FRMD4A: variants seen among roughly 807,000 people sequenced by gnomAD.
FRMD4A encodes the protein FERM domain containing 4A.
A neutral mutation model predicts 129.1 loss-of-function variants in FRMD4A; 29 were observed. That is an observed-to-expected ratio of 0.22 (90% CI 0.17 to 0.31). The LOEUF (loss-of-function observed/expected upper bound fraction) is 0.31, where lower values mean the gene tolerates loss of function less well. Among genes scored for constraint, FRMD4A ranks in the 10% least tolerant of loss-of-function variants. The pLI is 1.00. For synonymous variants in FRMD4A, 634 were observed against 571.6 expected, an observed-to-expected ratio of 1.11 and a Z score of -1.56; for missense variants, 1,272 against 1,375.8, an observed-to-expected ratio of 0.92 and a Z score of 1.19.
At position 14,327,388 on chromosome 10, in the gene FRMD4A, A is replaced by C. The variant is rs1275374557; in HGVS notation, c.45+2670T>G. 2.0e-5 allele frequency among the ~76,000 whole-genome samples: 3 copies of C among 152,374 alleles called. No individual in the cohort carries two copies. The East Asian group carries it at 5.8e-4, about 29-fold the overall frequency. ...CTCGAATTGGCTATCCTGGAACTTCATCTGTACACTGTTTCTTAGAGATCT... is the reference window on the plus strand; with the variant it reads ...CTCGAATTGGCTATCCTGGAACTTCCTCTGTACACTGTTTCTTAGAGATCT... On this transcript the variant is annotated intron_variant, in intron 2 of 24. Coordinates refer to ENST00000357447, the MANE Select transcript of FRMD4A (RefSeq NM_018027.5).
chr10:13,706,132 G>T (rs1458853290), intron 13 of FRMD4A, among the ~76,000 whole-genome samples: 2 of 152,182 alleles, frequency 1.3e-5, no homozygotes, highest in Non-Finnish European at 2.9e-5. Context: ...CAGGGCTGGA[G>T]CGTCAACAGC....
intron 2 of FRMD4A, among the ~76,000 whole-genome samples, chr10:13,937,364 A>T (rs533303210): frequency 1.3e-5 from 2 of 152,236 alleles, no homozygotes; most frequent in Non-Finnish European, 2.9e-5. Context: ...ACTAAAAAAC[A>T]ACTTTATGAG....
chr10:13,760,113 G>A (rs1488508866), intron 8 of FRMD4A, among the ~76,000 whole-genome samples: 1 of 151,768 alleles, frequency 6.6e-6, no homozygotes, highest in African/African-American at 2.4e-5. Flanking sequence ...CATAAATAAA[G>A]TTTTATTGGA....
chr10:13,799,261 A>C (rs767967894), intron 4 of FRMD4A, among the ~76,000 whole-genome samples: 3 of 152,120 alleles, frequency 2.0e-5, no homozygotes, highest in Non-Finnish European at 4.4e-5. Flanking sequence ...GGGTTCAAGT[A>C]ATTCTCCTGC....
intron 2 of FRMD4A, among the ~76,000 whole-genome samples, chr10:14,020,046 G>C (rs937625282): frequency 1.3e-5 from 2 of 152,192 alleles, no homozygotes; most frequent in Admixed American, 1.3e-4. Flanking sequence ...AAACGAAACA[G>C]GACAAAGACG....
intron 3 of FRMD4A, among the ~76,000 whole-genome samples, chr10:13,833,058 C>G (rs2093815426): frequency 6.6e-6 from 1 of 152,208 alleles, no homozygotes. Flanking sequence ...GGATTCAGAA[C>G]AGTATTTATC....
At chr10:13,960,902 T>A (rs1016027042) in intron 2 of FRMD4A, among the ~76,000 whole-genome samples, 1 of 152,132 alleles carries the variant, frequency 6.6e-6, no homozygotes, top group African/African-American at 2.4e-5. Context: ...CAGGGCAGAG[T>A]CACAAGATGA....
chr10:14,100,088 C>T (rs573134479), intron 2 of FRMD4A, among the ~76,000 whole-genome samples: 56 of 152,370 alleles, frequency 3.7e-4, no homozygotes, highest in African/African-American at 1.3e-3. Context: ...CCTTGTTTTG[C>T]AGTCAGCTCA....
intron 2 of FRMD4A, among the ~76,000 whole-genome samples, chr10:14,233,531 G>A (rs1456599357): frequency 6.6e-6 from 1 of 152,202 alleles, no homozygotes; most frequent in Admixed American, 6.5e-5. Flanking sequence ...CCGAGATTGT[G>A]CCACTGCATT....
chr10:14,214,232 A>G (rs1451042472), intron 2 of FRMD4A, among the ~76,000 whole-genome samples: 2 of 152,154 alleles, frequency 1.3e-5, no homozygotes, highest in African/African-American at 2.4e-5. Context: ...CTTGGAAATG[A>G]CACCTCCTAG....
chr10:13,922,516 G>T (rs1000828093), intron 2 of FRMD4A, among the ~76,000 whole-genome samples: 1 of 152,156 alleles, frequency 6.6e-6, no homozygotes, highest in Non-Finnish European at 1.5e-5. Flanking sequence ...TATACAGGTG[G>T]TTTATTTTTT....
At chr10:14,050,437 A>T (rs1834202918) in intron 2 of FRMD4A, among the ~76,000 whole-genome samples, 1 of 152,184 alleles carries the variant, frequency 6.6e-6, no homozygotes. Flanking sequence ...TAAAATACAA[A>T]TTACCATTGT....
At chr10:13,681,774 T>C (rs2084615831) in intron 15 of FRMD4A, among the ~76,000 whole-genome samples, 1 of 152,146 alleles carries the variant, frequency 6.6e-6, no homozygotes, top group Admixed American at 6.6e-5. Flanking sequence ...GAAGGTTGTG[T>C]AACCTCTCGA....
intron 2 of FRMD4A, among the ~76,000 whole-genome samples, chr10:14,013,133 TATC>T (rs2095687695): frequency 6.6e-6 from 1 of 152,128 alleles, no homozygotes; most frequent in South Asian, 2.1e-4. Context: ...TTTTGTTCCT[TATC>T]ATTCTTTCCT....
intron 2 of FRMD4A, among the ~76,000 whole-genome samples, chr10:14,124,444 A>C (rs1347895966): frequency 6.6e-6 from 1 of 152,102 alleles, no homozygotes; most frequent in Non-Finnish European, 1.5e-5. Context: ...GGGAGGCCGA[A>C]GCGGGTGGAT....
Position 13,644,091 on chromosome 10 carries a change from C to T in FRMD4A, c.*2947G>A, listed in dbSNP as rs1157979022. On this transcript the variant is annotated 3_prime_UTR_variant, in exon 25 of 25. Coordinates refer to ENST00000357447, the MANE Select transcript of FRMD4A (RefSeq NM_018027.5). Reference sequence around the variant, plus strand: ...TGCTATATTTAGAACTAAACTAATACTGAATGAAAACAAATTGGAATTTTA... The same window carrying T: ...TGCTATATTTAGAACTAAACTAATATTGAATGAAAACAAATTGGAATTTTA... The T allele has an allele frequency of 6.6e-6, 1 of 152,638 alleles. No homozygotes were observed. The highest frequency in any genetic ancestry group is 1.5e-5 in the Non-Finnish European group (1 of 68,044). 9.5% of individuals were successfully genotyped at this position (152,638 alleles called of 1,614,324 possible). A position where few individuals can be genotyped will look rare whatever the true frequency, so the allele number is the denominator to read the frequency against.
intron 2 of FRMD4A, among the ~76,000 whole-genome samples, chr10:14,082,228 C>T (rs768927553): frequency 6.6e-6 from 1 of 152,022 alleles, no homozygotes; most frequent in Non-Finnish European, 1.5e-5. Flanking sequence ...GCCTGGGCAA[C>T]AGAGCGAGAC....
chr10:13,675,060 G>T lies in FRMD4A; in HGVS notation c.1118-16C>A. ...TCCTGAGAACCTGTCGATAAACAGTGGGGTTACTTGGCCAGCTGACAGGGG... is the reference window on the plus strand; with the variant it reads ...TCCTGAGAACCTGTCGATAAACAGTTGGGTTACTTGGCCAGCTGACAGGGG... On this transcript the variant is annotated splice_polypyrimidine_tract_variant and intron_variant, in intron 15 of 24. Transcript: ENST00000357447. 6.2e-7 allele frequency: 1 copy of T among 1,609,610 alleles called. No homozygotes were observed.
intron 2 of FRMD4A, among the ~76,000 whole-genome samples, chr10:14,043,688 AACG>A (rs1833873290): frequency 6.6e-6 from 1 of 152,202 alleles, no homozygotes; most frequent in South Asian, 2.1e-4. Context: ...AGGCACAGAC[AACG>A]ACGCCATCCA....
Sources: allele counts gnomAD v4.1 joint callset (sites outside exome capture counted in the v4.1 genomes callset), GRCh38; gene constraint gnomAD v4.1.1; transcripts MANE v1.5; gene names NCBI Gene and HGNC (gene_info 2026-07-23, HGNC 2026-07-21).